The following CD99 variants were observed in gnomAD, a reference collection of about 807,000 sequenced individuals.
CD99 encodes the protein CD99 molecule (Xg blood group).
In CD99, 19 loss-of-function variants were observed where a neutral mutation model predicts 28.4. The observed-to-expected ratio is 0.67, with a 90% CI of 0.47 to 0.98. CD99 has a LOEUF of 0.98. Ranked by LOEUF, CD99 falls within the 50% of genes least tolerant of loss-of-function variation. The probability of loss-of-function intolerance (pLI) is 0.00; values close to 1 mark genes in which losing one functional copy is unlikely to be tolerated. For missense variants in CD99, 283 were observed against 248.8 expected (o/e 1.14, Z -0.92); for synonymous variants, 103 against 92.1 (o/e 1.12, Z -0.67).
intron 1 of CD99, among the ~76,000 whole-genome samples, chrX:2,705,554 A>G (rs1298048577): frequency 6.6e-6 from 1 of 152,184 alleles, no homozygotes; most frequent in Non-Finnish European, 1.5e-5. Context: ...ATGGATTTAA[A>G]TATGCATGAC....
At chrX:2,734,724 T>C (rs1439968617) in intron 8 of CD99, among the ~76,000 whole-genome samples, 12 of 151,796 alleles carry the variant, frequency 7.9e-5, no homozygotes, top group Admixed American at 7.9e-4. Flanking sequence ...CTTTTATTTC[T>C]TCTCCGTTTT....
chrX:2,709,741 T>C (rs1438603397), intron 1 of CD99, among the ~76,000 whole-genome samples: 1 of 152,230 alleles, frequency 6.6e-6, no homozygotes, highest in South Asian at 2.1e-4. Flanking sequence ...CACATGCATG[T>C]ACATAGACAT....
Position 2,716,016 on chromosome X carries a change from A to AT in CD99, c.101-1571dup, listed in dbSNP as rs774911227. ...TTTTCAACCCAGGACAGCCCTCTTC[A>AT]TTTTTTTTTTTTTTTTTTCCGAGAT... On this transcript the variant is annotated intron_variant, in intron 2 of 9. Coordinates refer to ENST00000381192, the MANE Select transcript of CD99 (RefSeq NM_002414.5). 4.9e-3 allele frequency among the ~76,000 whole-genome samples: 627 copies of AT among 129,168 alleles called. 7 individuals carry two copies. The highest frequency in any genetic ancestry group is 7.2e-3 in the African/African-American group (258 of 35,630). The allele number at this position is 129,168 out of a possible 152,430, so 84.7% of individuals were successfully genotyped here. A position where few individuals can be genotyped will look rare whatever the true frequency, so the allele number is the denominator to read the frequency against.
chrX:2,740,579 A>T (rs1369666782), intron 9 of CD99, among the ~76,000 whole-genome samples, 200 bp from the exon 10 acceptor site: 1 of 150,612 alleles, frequency 6.6e-6, no homozygotes, highest in African/African-American at 2.4e-5. Flanking sequence ...TGCAGCATCC[A>T]TTTTTTTTAA....
chrX:2,738,319 T>C, intron 9 of CD99, 63 bp downstream of exon 9: 2 of 1,470,208 alleles, frequency 1.4e-6, no homozygotes, highest in Non-Finnish European at 1.9e-6. Context: ...ATCTTCTCCA[T>C]CCTCTCCCAT....
chrX:2,722,751 G>T lies in CD99; in HGVS notation c.310+77G>T, dbSNP rs1159464367. On this transcript the variant is annotated intron_variant, in intron 6 of 9. Coordinates refer to ENST00000381192, the MANE Select transcript of CD99 (RefSeq NM_002414.5). ...ACCTGCTCTGTAGAATCACTACAGG[G>T]TCTAAACTGTCAGCTCTCTGTGAAC... 6 of 1,359,110 alleles carry T rather than the reference G, an allele frequency of 4.4e-6. No individual in the cohort carries two copies. The East Asian group carries it at 1.1e-4, about 26-fold the overall frequency. The allele number at this position is 1,359,110 out of a possible 1,614,324, so 84.2% of individuals were successfully genotyped here. A position where few individuals can be genotyped will look rare whatever the true frequency, so the allele number is the denominator to read the frequency against.
chrX:2,691,506 T>TG, intron 1 of CD99, 79 bp downstream of exon 1: 1 of 1,452,826 alleles, frequency 6.9e-7, no homozygotes, highest in Non-Finnish European at 9.3e-7. Flanking sequence ...GATGCGGCGT[T>TG]GGGGGCGCCC....
chrX:2,722,754 T>C, intron 6 of CD99, 80 bp downstream of exon 6: 2 of 1,347,114 alleles, frequency 1.5e-6, no homozygotes, highest in Non-Finnish European at 2.1e-6. Context: ...CTACAGGGTC[T>C]AAACTGTCAG....
intron 8 of CD99, among the ~76,000 whole-genome samples, chrX:2,734,105 C>CA (rs1378712546): frequency 1.4e-4 from 22 of 152,178 alleles, no homozygotes; most frequent in Non-Finnish European, 2.6e-4. Context: ...CTGAAAAACA[C>CA]AAATTGTACC....
At chrX:2,728,780 G>C (rs774729377) in intron 8 of CD99, among the ~76,000 whole-genome samples, 1 of 148,452 alleles carries the variant, frequency 6.7e-6, no homozygotes, top group Non-Finnish European at 1.5e-5. Context: ...AGGAAGGCTT[G>C]TTTGCCAGGA....
chrX:2,703,449 G>A (rs1416304203), intron 1 of CD99, among the ~76,000 whole-genome samples: 3 of 152,102 alleles, frequency 2.0e-5, no homozygotes, highest in East Asian at 1.9e-4. Flanking sequence ...CACATAAAAC[G>A]CGCTTAGGTA....
At chrX:2,728,241 G>A (rs2049400766) in intron 8 of CD99, among the ~76,000 whole-genome samples, 1 of 126,810 alleles carries the variant, frequency 7.9e-6, no homozygotes, top group African/African-American at 3.2e-5. Context: ...GTCTCACTCT[G>A]TCACCCAGGC....
intron 3 of CD99, among the ~76,000 whole-genome samples, chrX:2,718,591 G>C (rs894601531): frequency 3.3e-5 from 5 of 151,534 alleles, no homozygotes; most frequent in Admixed American, 1.3e-4. Flanking sequence ...GGATGGTCTC[G>C]ATCTCCTGAC....
chrX:2,740,723 C>T, intron 9 of CD99, 56 bp from the exon 10 acceptor site: 1 of 1,584,532 alleles, frequency 6.3e-7, no homozygotes. Context: ...GGAACTGTGT[C>T]CACGTGAGTG....
rs1317186773 is a variant in CD99, at chrX:2,719,589, T to C, written c.149-72T>C. 1.3e-5 allele frequency: 16 copies of C among 1,239,794 alleles called. No homozygotes were observed. The South Asian group carries it at 1.6e-4, about 12-fold the overall frequency. The allele number at this position is 1,239,794 out of a possible 1,614,324, so 76.8% of individuals were successfully genotyped here. ...ATGTGGGGCCGTGGTGTGTTTTTGA[T>C]CTGTTCACGAGGTCATTCCTTCCTC... On this transcript the variant is annotated intron_variant, in intron 3 of 9. Transcript: ENST00000381192.
At chrX:2,695,472 T>TG (rs1488255621) in intron 1 of CD99, among the ~76,000 whole-genome samples, 1 of 151,844 alleles carries the variant, frequency 6.6e-6, no homozygotes, top group Non-Finnish European at 1.5e-5. Context: ...AGTGCAGGGG[T>TG]GCAATCAGGG....
chrX:2,706,442 C>T (rs973918003), intron 1 of CD99, among the ~76,000 whole-genome samples: 61 of 152,328 alleles, frequency 4.0e-4, no homozygotes, highest in Admixed American at 6.5e-4. Flanking sequence ...AGAGCACACA[C>T]GTGCCCTCTG....
chrX:2,695,380 T>C (rs2124459331), intron 1 of CD99, among the ~76,000 whole-genome samples: 1 of 152,018 alleles, frequency 6.6e-6, no homozygotes, highest in Non-Finnish European at 1.5e-5. Flanking sequence ...AATTTTTGTA[T>C]GTTTAGTAGA....
intron 8 of CD99, among the ~76,000 whole-genome samples, chrX:2,726,806 C>A (rs999747195): frequency 6.9e-6 from 1 of 145,604 alleles, no homozygotes; most frequent in African/African-American, 2.8e-5. Flanking sequence ...ACCAGGGGGC[C>A]GCCACGGTCC....
Sources: gnomAD v4.1 joint callset for allele counts (sites outside exome capture counted in the v4.1 genomes callset) on GRCh38, gnomAD v4.1.1 for gene constraint, MANE v1.5 for transcripts, NCBI Gene and HGNC (gene_info 2026-07-23, HGNC 2026-07-21) for gene names.